CORIN: variants seen among roughly 807,000 people sequenced by gnomAD.
CORIN encodes the protein atrial natriuretic peptide-converting enzyme.
A neutral mutation model predicts 125.3 loss-of-function variants in CORIN; 117 were observed. That is an observed-to-expected ratio of 0.93 (90% confidence interval 0.80 to 1.09). The LOEUF (loss-of-function observed/expected upper bound fraction) is 1.09. Ranked by LOEUF, CORIN falls within the 50% of genes least tolerant of loss-of-function variation. The pLI is 0.00. For missense variants in CORIN, 1,253 were observed against 1,306.7 expected, an observed-to-expected ratio of 0.96 and a Z score of 0.63; for synonymous variants, 450 against 466.4, an observed-to-expected ratio of 0.96 and a Z score of 0.45.
At chr4:47,625,827 A>G (rs532190656) in intron 17 of CORIN, among the ~76,000 whole-genome samples, 2 of 152,302 alleles carry the variant, frequency 1.3e-5, no homozygotes, top group African/African-American at 4.8e-5. Context: ...GTCAGTGTAT[A>G]TAAGATTACC....
At chr4:47,737,181 C>T (rs764511590) in intron 5 of CORIN, among the ~76,000 whole-genome samples, 18 of 152,178 alleles carry the variant, frequency 1.2e-4, no homozygotes, top group African/African-American at 4.1e-4. Flanking sequence ...CAGAGGTAGA[C>T]GGAGCCTTAT....
intron 5 of CORIN, among the ~76,000 whole-genome samples, chr4:47,712,258 TATA>T (rs1449545822): frequency 1.3e-5 from 2 of 152,180 alleles, no homozygotes; most frequent in African/African-American, 2.4e-5. Flanking sequence ...TATATGATAA[TATA>T]ATGTCATATA....
rs1379331530 is a variant in CORIN, at chr4:47,670,893, T to C, written c.1357+3500A>G. Among the ~76,000 whole-genome samples, 3 of 152,332 alleles carry C rather than the reference T, an allele frequency of 2.0e-5. No individual in the cohort carries two copies. The East Asian group carries it at 5.8e-4, about 29-fold the overall frequency. ...AAAGATGCTGGGTTGTGACTGGACA[T>C]GGCAACACAGGCTGCTAAAAGCTAT... On this transcript the variant is annotated intron_variant, in intron 10 of 21. Coordinates refer to ENST00000273857, the MANE Select transcript of CORIN (RefSeq NM_006587.4).
intron 13 of CORIN, among the ~76,000 whole-genome samples, chr4:47,653,047 T>C (rs1267139408): frequency 1.3e-5 from 2 of 152,216 alleles, no homozygotes; most frequent in Non-Finnish European, 2.9e-5. Flanking sequence ...TATCCCTGGT[T>C]AAGCATGGTC....
At chr4:47,617,475 A>G (rs16860446) in intron 19 of CORIN, among the ~76,000 whole-genome samples, 40,959 of 152,068 alleles carry the variant, frequency 0.27, 5,658 homozygotes, top group Admixed American at 0.35. Context: ...AGACCCAGAC[A>G]TTTTCCAGTG....
At position 47,807,023 on chromosome 4, in the gene CORIN, T is replaced by C. The variant is rs1446435278; in HGVS notation, c.88A>G (p.Met30Val). 6.2e-7 allele frequency: 1 copy of C among 1,613,434 alleles called. No individual in the cohort carries two copies. The highest frequency in any genetic ancestry group is 2.2e-5 in the East Asian group (1 of 44,884). The change falls in exon 2 of 22, where the codon ATG becomes GTG. Residue 30 changes from methionine to valine, a missense_variant. Coordinates refer to ENST00000273857, the MANE Select transcript of CORIN (RefSeq NM_006587.4). ...KPVLRADDNN[M>V]GNGCSQKLAT... Reference sequence around the variant, plus strand: ...AGCTTCTGAGAGCAGCCATTGCCCATGTTATTGTCATCAGCTCTCAAGACC... The same window carrying C: ...AGCTTCTGAGAGCAGCCATTGCCCACGTTATTGTCATCAGCTCTCAAGACC...
intron 1 of CORIN, among the ~76,000 whole-genome samples, chr4:47,825,540 C>T (rs942309227): frequency 6.6e-6 from 1 of 152,108 alleles, no homozygotes; most frequent in Non-Finnish European, 1.5e-5. Context: ...CATTCGCTAA[C>T]ATTCATAGAT....
intron 5 of CORIN, among the ~76,000 whole-genome samples, chr4:47,730,725 G>A (rs529448544): frequency 5.4e-4 from 82 of 152,278 alleles, no homozygotes; most frequent in African/African-American, 1.9e-3. Flanking sequence ...CTATATGACT[G>A]GTATTCTCCC....
At chr4:47,790,653 A>G (rs1173751616) in intron 2 of CORIN, among the ~76,000 whole-genome samples, 1 of 152,150 alleles carries the variant, frequency 6.6e-6, no homozygotes, top group Non-Finnish European at 1.5e-5. Context: ...GTTCTCCGTA[A>G]CTGTTAGTCA....
At chr4:47,730,888 T>C (rs1727846742) in intron 5 of CORIN, among the ~76,000 whole-genome samples, 1 of 151,926 alleles carries the variant, frequency 6.6e-6, no homozygotes, top group African/African-American at 2.4e-5. Context: ...CATAGGGAGG[T>C]ATCAAGGAAG....
chr4:47,619,819 C>T (rs1722226042), intron 19 of CORIN, among the ~76,000 whole-genome samples: 1 of 152,124 alleles, frequency 6.6e-6, no homozygotes, highest in African/African-American at 2.4e-5. Context: ...AGGTAATCAT[C>T]GCTTGATGAA....
At chr4:47,678,961 T>C (rs1725143828) in intron 8 of CORIN, among the ~76,000 whole-genome samples, 2 of 152,246 alleles carry the variant, frequency 1.3e-5, no homozygotes, top group African/African-American at 4.8e-5. Flanking sequence ...GAGCTACGCA[T>C]TGTGACTTTT....
rs551522584 is a variant in CORIN at position 47,692,062 on chromosome 4, T to C, written c.913+908A>G. ...AATTAGAACTCAGATGAAAGATGAG[T>C]TGGTCCATTTGGCAAACAGACCAGA... is the stretch of plus-strand genomic sequence containing the variant. On this transcript the variant is annotated intron_variant, in intron 6 of 21. Coordinates refer to ENST00000273857, the MANE Select transcript of CORIN (RefSeq NM_006587.4). Among the ~76,000 whole-genome samples the C allele has an allele frequency of 2.0e-5, 3 of 150,738 alleles. No homozygotes were observed. The South Asian group carries it at 6.3e-4, about 32-fold the overall frequency.
chr4:47,684,902 G>A (rs1489868447), intron 6 of CORIN, among the ~76,000 whole-genome samples: 4 of 149,908 alleles, frequency 2.7e-5, no homozygotes, highest in Non-Finnish European at 4.5e-5. Context: ...CAAAGGCAGC[G>A]GGAGGTGAGA....
Position 47,643,144 on chromosome 4 carries a change from A to G in CORIN, c.2068+2T>C. On this transcript the variant is annotated splice_donor_variant, in intron 15 of 21. Transcript: ENST00000273857. LOFTEE classifies it high-confidence loss of function. ...AACAGATGGCAGAAACAAGTAGCTC[A>G]CCACAGTCCCATTCATCTGAACTGT... 6.2e-7 allele frequency: 1 copy of G among 1,613,938 alleles called. No individual in the cohort carries two copies. The highest frequency in any genetic ancestry group is 1.1e-5 in the South Asian group (1 of 91,086).
chr4:47,669,572 C>CTTT (rs1206820586), intron 10 of CORIN, among the ~76,000 whole-genome samples: 8 of 135,516 alleles, frequency 5.9e-5, no homozygotes, highest in African/African-American at 1.7e-4. Context: ...TATATATATG[C>CTTT]TTTTTTTTTT....
At chr4:47,748,195 C>T (rs1439078281) in intron 4 of CORIN, among the ~76,000 whole-genome samples, 1 of 152,120 alleles carries the variant, frequency 6.6e-6, no homozygotes, top group African/African-American at 2.4e-5. Flanking sequence ...TTTTTTCTTA[C>T]TTTGCATAAA....
chr4:47,668,538 T>C (rs1269850261), intron 10 of CORIN, among the ~76,000 whole-genome samples: 3 of 152,258 alleles, frequency 2.0e-5, no homozygotes, highest in African/African-American at 7.2e-5. Flanking sequence ...TTTTTCCTGA[T>C]ATCTTTAATA....
At chr4:47,757,606 A>G (rs1204688202) in intron 4 of CORIN, among the ~76,000 whole-genome samples, 1 of 151,914 alleles carries the variant, frequency 6.6e-6, no homozygotes, top group Non-Finnish European at 1.5e-5. Context: ...AAAAATAATA[A>G]TAATAAATGC....
Sources: gnomAD v4.1 joint callset for allele counts (sites outside exome capture counted in the v4.1 genomes callset) on GRCh38, gnomAD v4.1.1 for gene constraint, MANE v1.5 for transcripts, NCBI Gene and HGNC (gene_info 2026-07-23, HGNC 2026-07-21) for gene names.